Variants in FBLN2 observed in about 807,000 individuals in gnomAD.
FBLN2 encodes fibulin 2, also known as fibulin-2.
Under a neutral mutation model 123.7 loss-of-function variants are expected in FBLN2, and 81 were observed. The ratio of observed to expected loss-of-function variants is 0.65; its 90% confidence interval spans 0.55 to 0.79. FBLN2 has a LOEUF of 0.79. Ranked by LOEUF, FBLN2 falls within the 30% of genes least tolerant of loss-of-function variation. The pLI is 0.00. For missense variants in FBLN2, 1,603 were observed against 1,681.3 expected (o/e 0.95, Z 0.81); for synonymous variants, 699 against 701.4 (o/e 1.00, Z 0.05).
In FBLN2 at chr3:13,627,842, G is replaced by A; in HGVS notation, c.2442G>A (p.Glu814=). ...GCCTCTCCGCTGCAGACGTGGATGA[G>A]TGTGCGATGGGCACGCACACCTGCC... The part of the protein sequence containing the change: ...LKDGECEDVD[E]CAMGTHTCQP... The change falls in exon 11 of 18, where the codon GAG becomes GAA. Residue 814 remains glutamate (E), a synonymous_variant. Transcript: ENST00000404922. The A allele has an allele frequency of 1.2e-6, 2 of 1,613,166 alleles. No homozygotes were observed. Among genetic ancestry groups the A allele is most frequent in the East Asian group, 2.2e-5 (1 of 44,864 alleles).
chr3:13,616,675 G>C (rs1705618178), intron 5 of FBLN2, among the ~76,000 whole-genome samples: 3 of 152,228 alleles, frequency 2.0e-5, no homozygotes. Context: ...GCCCTGGGCT[G>C]GCACAGAGCT....
At chr3:13,634,769 A>G (rs35098116) in intron 16 of FBLN2, among the ~76,000 whole-genome samples, 38,915 of 152,228 alleles carry the variant, frequency 0.26, 5,133 homozygotes, top group South Asian at 0.35. Context: ...AGAGCCTGGC[A>G]GCCAAGAGCC....
chr3:13,593,023 G>A (rs1466094481), intron 2 of FBLN2, among the ~76,000 whole-genome samples: 2 of 152,220 alleles, frequency 1.3e-5, no homozygotes, highest in Non-Finnish European at 2.9e-5. Flanking sequence ...AGGAGAGACA[G>A]CAGAAGCCAC....
At chr3:13,550,651 C>T (rs1398192789) in intron 1 of FBLN2, among the ~76,000 whole-genome samples, 1 of 152,130 alleles carries the variant, frequency 6.6e-6, no homozygotes. Flanking sequence ...GATAGGGGCT[C>T]TGGGCCTTAA....
intron 2 of FBLN2, among the ~76,000 whole-genome samples, chr3:13,571,869 TG>T (rs1354184381): frequency 8.4e-6 from 1 of 119,414 alleles, no homozygotes; most frequent in African/African-American, 3.1e-5. Context: ...GATGGGTGGG[TG>T]GGAGTGGGGT....
chr3:13,581,436 T>C (rs1224874483), intron 2 of FBLN2, among the ~76,000 whole-genome samples: 1 of 152,018 alleles, frequency 6.6e-6, no homozygotes, highest in Non-Finnish European at 1.5e-5. Context: ...TGGGCTGAAG[T>C]AGAGGAAAGA....
chr3:13,609,444 C>T (rs377133016), intron 3 of FBLN2, 69 bp from the exon 4 acceptor site: 4 of 1,473,490 alleles, frequency 2.7e-6, no homozygotes, highest in Middle Eastern at 2.2e-4. Context: ...CTCCTCTGAG[C>T]CTCACTCACT....
chr3:13,619,131 A>G, intron 7 of FBLN2, 114 bp downstream of exon 7: 2 of 728,124 alleles, frequency 2.7e-6, no homozygotes, highest in African/African-American at 3.5e-5. Context: ...TGGCCCCTCC[A>G]AAGGGTGTGC....
intron 1 of FBLN2, chr3:13,568,899 C>T: frequency 1.0e-6 from 1 of 985,732 alleles, no homozygotes; most frequent in African/African-American, 1.7e-5. Context: ...CCCCTGGTTC[C>T]TAGAGGGGCT....
At chr3:13,614,291 C>A in intron 5 of FBLN2, 127 bp downstream of exon 5, 1 of 919,348 alleles carries the variant, frequency 1.1e-6, no homozygotes, top group Non-Finnish European at 1.6e-6. Flanking sequence ...AAACAGAGTT[C>A]TGAGGATGGT....
chr3:13,613,766 G>A (rs946168631), intron 4 of FBLN2: 2 of 490,912 alleles, frequency 4.1e-6, no homozygotes, highest in East Asian at 3.2e-5. Flanking sequence ...TCAACTAAAG[G>A]CCATTTACTT....
At chr3:13,570,243 G>T (rs562404768) in intron 1 of FBLN2, 72 bp from the exon 2 acceptor site, 5 of 1,422,802 alleles carry the variant, frequency 3.5e-6, no homozygotes, top group East Asian at 5.0e-5. Context: ...CCCTGCCCGC[G>T]TGCGTGCCGG....
intron 16 of FBLN2, among the ~76,000 whole-genome samples, chr3:13,634,050 C>G (rs1042691299): frequency 6.7e-6 from 1 of 149,616 alleles, no homozygotes; most frequent in African/African-American, 2.5e-5. Flanking sequence ...CCCATCTCTG[C>G]ATGCCACTCG....
intron 2 of FBLN2, 124 bp downstream of exon 2, chr3:13,571,785 G>T (rs1414651158): frequency 1.9e-6 from 2 of 1,079,462 alleles, no homozygotes; most frequent in African/African-American, 3.2e-5. Flanking sequence ...GGCCTAGGGT[G>T]GCCACCCCAG....
At chr3:13,628,881 T>C (rs767369967) in intron 11 of FBLN2, 24 bp from the exon 12 acceptor site, 2 of 1,606,566 alleles carry the variant, frequency 1.2e-6, no homozygotes, top group South Asian at 1.1e-5. Flanking sequence ...CCGGGCTCCC[T>C]GTCACCTACA....
Position 13,563,092 on chromosome 3 carries a change from T to A in FBLN2, c.-41-7223T>A, listed in dbSNP as rs1259536898. On this transcript the variant is annotated intron_variant, in intron 1 of 17. Coordinates refer to ENST00000404922, the MANE Select transcript of FBLN2 (RefSeq NM_001004019.2). ...TGAATAACACTGTAGTGAACTTGGA[T>A]GCGCAAATATTATTTTTAAAAAATT... Among the ~76,000 whole-genome samples, 3 of 152,342 alleles carry A rather than the reference T, an allele frequency of 2.0e-5. No individual in the cohort carries two copies. The East Asian group carries it at 5.8e-4, about 29-fold the overall frequency.
intron 4 of FBLN2, 46 bp downstream of exon 4, chr3:13,609,688 G>GGGGGGGGCC: frequency 3.7e-5 from 19 of 512,570 alleles, no homozygotes; most frequent in Non-Finnish European, 5.8e-5. Context: ...GTGGGGCGGG[G>GGGGGGGGCC]CGGGAGGCTG....
At chr3:13,588,009 C>G (rs1704561963) in intron 2 of FBLN2, among the ~76,000 whole-genome samples, 1 of 152,242 alleles carries the variant, frequency 6.6e-6, no homozygotes, top group Non-Finnish European at 1.5e-5. Context: ...GTCAGGACTT[C>G]CTGAGGTTGT....
chr3:13,626,319 G>A (rs1188092965), intron 9 of FBLN2, 126 bp from the exon 10 acceptor site: 5 of 986,172 alleles, frequency 5.1e-6, no homozygotes, highest in Non-Finnish European at 5.7e-6. Flanking sequence ...CCACATCTCC[G>A]AATGGTGAGC....
Sources: allele counts gnomAD v4.1 joint callset (sites outside exome capture counted in the v4.1 genomes callset), GRCh38; gene constraint gnomAD v4.1.1; transcripts MANE v1.5; gene names NCBI Gene and HGNC (gene_info 2026-07-23, HGNC 2026-07-21).